The following MAP7 variants were observed in gnomAD, a reference collection of about 807,000 sequenced individuals.
MAP7 encodes the protein microtubule associated protein 7, also known as ensconsin.
In MAP7, 52 loss-of-function variants were observed where a neutral mutation model predicts 94.8. The observed-to-expected ratio is 0.55, with a 90% confidence interval of 0.44 to 0.69. The LOEUF (loss-of-function observed/expected upper bound fraction) is 0.69, where lower values mean the gene tolerates loss of function less well. Ranked by LOEUF, MAP7 falls within the 30% of genes least tolerant of loss-of-function variation. The pLI is 0.00. For synonymous variants in MAP7, 350 were observed against 357.0 expected (o/e 0.98, Z 0.22); for missense variants, 940 against 964.6 (o/e 0.97, Z 0.34).
At chr6:136,414,800 A>G (rs1425627704) in intron 2 of MAP7, among the ~76,000 whole-genome samples, 7 of 149,580 alleles carry the variant, frequency 4.7e-5, no homozygotes, top group Admixed American at 1.3e-4. Context: ...CACAACCACA[A>G]TCAGCTAATT....
At chr6:136,540,508 A>G (rs1053823503) in intron 1 of MAP7, among the ~76,000 whole-genome samples, 1 of 152,200 alleles carries the variant, frequency 6.6e-6, no homozygotes, top group Middle Eastern at 3.2e-3. Flanking sequence ...GACACTGAGT[A>G]TATGTGTGCA....
intron 1 of MAP7, among the ~76,000 whole-genome samples, chr6:136,499,829 T>C (rs1347944575): frequency 1.3e-5 from 2 of 151,930 alleles, no homozygotes; most frequent in African/African-American, 4.8e-5. Flanking sequence ...GGAGCTCTCA[T>C]CTCTACAAAA....
At chr6:136,361,250 G>T in intron 11 of MAP7, 71 bp from the exon 12 acceptor site, 1 of 1,539,800 alleles carries the variant, frequency 6.5e-7, no homozygotes, top group Non-Finnish European at 8.8e-7. Context: ...GGCCTCCGTC[G>T]GTGGTTCTGT....
chr6:136,376,997 C>G (rs1380830707), intron 7 of MAP7, among the ~76,000 whole-genome samples: 1 of 152,158 alleles, frequency 6.6e-6, no homozygotes, highest in Non-Finnish European at 1.5e-5. Flanking sequence ...AAACCTAAAT[C>G]AACTCACCAG....
At chr6:136,436,381 A>ATT (rs67758451) in intron 1 of MAP7, among the ~76,000 whole-genome samples, 31 of 144,476 alleles carry the variant, frequency 2.1e-4, no homozygotes, top group African/African-American at 6.0e-4. Flanking sequence ...CTAAAAGATG[A>ATT]TTTTTTTTTT....
intron 1 of MAP7, among the ~76,000 whole-genome samples, chr6:136,503,612 G>A (rs1562468699): frequency 1.3e-5 from 2 of 152,014 alleles, no homozygotes; most frequent in African/African-American, 2.4e-5. Flanking sequence ...CCCCTAAGGG[G>A]AAAAAAACCA....
At chr6:136,478,114 T>C (rs1811511785) in intron 1 of MAP7, among the ~76,000 whole-genome samples, 1 of 152,156 alleles carries the variant, frequency 6.6e-6, no homozygotes, top group Non-Finnish European at 1.5e-5. Context: ...AAACACATTA[T>C]ACCAAAACCT....
At chr6:136,508,120 GT>G (rs1231325613) in intron 1 of MAP7, among the ~76,000 whole-genome samples, 1 of 151,990 alleles carries the variant, frequency 6.6e-6, no homozygotes, top group African/African-American at 2.4e-5. Flanking sequence ...CAGCTCAGGA[GT>G]TTGAGACCAG....
At chr6:136,379,827 T>C (rs946379247) in intron 6 of MAP7, among the ~76,000 whole-genome samples, 2 of 152,176 alleles carry the variant, frequency 1.3e-5, no homozygotes, top group African/African-American at 4.8e-5. Flanking sequence ...GTAAAGCAAA[T>C]CCAGAGAGAT....
chr6:136,507,377 G>A (rs1053374608), intron 1 of MAP7, among the ~76,000 whole-genome samples: 4 of 147,458 alleles, frequency 2.7e-5, no homozygotes, highest in African/African-American at 1.0e-4. Context: ...CCTAAAGTCA[G>A]AATTACTGAT....
At chr6:136,349,045 C>T (rs1788433373) in intron 16 of MAP7, among the ~76,000 whole-genome samples, 1 of 152,148 alleles carries the variant, frequency 6.6e-6, no homozygotes, top group South Asian at 2.1e-4. Context: ...CTGCAGATAA[C>T]TTCCTCTGTT....
intron 1 of MAP7, among the ~76,000 whole-genome samples, chr6:136,546,720 A>G (rs1305216893): frequency 6.6e-6 from 1 of 152,224 alleles, no homozygotes; most frequent in Non-Finnish European, 1.5e-5. Context: ...AATACACAGA[A>G]GGTACACATT....
intron 3 of MAP7, among the ~76,000 whole-genome samples, chr6:136,394,426 A>AT (rs71685519): frequency 1.3e-5 from 2 of 151,208 alleles, no homozygotes; most frequent in Non-Finnish European, 3.0e-5. Flanking sequence ...GATAGGTTTA[A>AT]TTTTTTTTTA....
chr6:136,438,953 T>C (rs1413649314), intron 1 of MAP7, among the ~76,000 whole-genome samples: 2 of 152,176 alleles, frequency 1.3e-5, no homozygotes, highest in Non-Finnish European at 2.9e-5. Flanking sequence ...CTGCCAAAAT[T>C]CAGGCTACAG....
chr6:136,389,883 T>C (rs1780221498), intron 3 of MAP7, among the ~76,000 whole-genome samples: 1 of 152,142 alleles, frequency 6.6e-6, no homozygotes, highest in Non-Finnish European at 1.5e-5. Flanking sequence ...CAATGTGATA[T>C]CCTCCAGTCT....
chr6:136,349,767 G>A (rs1788631002), intron 16 of MAP7, among the ~76,000 whole-genome samples: 1 of 152,150 alleles, frequency 6.6e-6, no homozygotes, highest in Non-Finnish European at 1.5e-5. Context: ...GAACCTGTCA[G>A]GGGGAAAAGA....
chr6:136,356,645 G>T, intron 16 of MAP7, 47 bp downstream of exon 16: 1 of 1,440,638 alleles, frequency 6.9e-7, no homozygotes, highest in Non-Finnish European at 9.7e-7. Context: ...GAGCTGGTGG[G>T]TAAAAACAGT....
intron 12 of MAP7, 83 bp from the exon 13 acceptor site, chr6:136,360,881 A>T: frequency 6.4e-7 from 1 of 1,564,500 alleles, no homozygotes; most frequent in East Asian, 2.2e-5. Context: ...GGTGGGGGCG[A>T]GGTGGCGGAT....
intron 3 of MAP7, among the ~76,000 whole-genome samples, chr6:136,393,494 T>C (rs1399980743): frequency 6.6e-6 from 1 of 152,166 alleles, no homozygotes; most frequent in Non-Finnish European, 1.5e-5. Context: ...TCACAGGTAG[T>C]TGAGACAAGT....
Sources: allele counts gnomAD v4.1 joint callset (sites outside exome capture counted in the v4.1 genomes callset), GRCh38; gene constraint gnomAD v4.1.1; transcripts MANE v1.5; gene names NCBI Gene and HGNC (gene_info 2026-07-23, HGNC 2026-07-21).